Variants in WHRN observed in about 807,000 individuals in gnomAD.
The protein encoded by WHRN is whirlin.
In WHRN, 41 loss-of-function variants were observed where a neutral mutation model predicts 68.3. The ratio of observed to expected loss-of-function variants is 0.60; its 90% CI spans 0.47 to 0.78. WHRN has a LOEUF of 0.78. WHRN is among the 30% of genes least tolerant of loss of function. The pLI, the probability that WHRN is intolerant of heterozygous loss-of-function variation, is 0.00. For missense variants in WHRN, 1,243 were observed against 1,244.7 expected (o/e 1.00, Z 0.02); for synonymous variants, 560 against 561.3 (o/e 1.00, Z 0.03).
chr9:114,474,435 AC>A (rs1319888007), intron 2 of WHRN, among the ~76,000 whole-genome samples: 2 of 151,998 alleles, frequency 1.3e-5, no homozygotes, highest in Non-Finnish European at 2.9e-5. Flanking sequence ...TCCCCCACCC[AC>A]ACACATTCCC....
intron 3 of WHRN, among the ~76,000 whole-genome samples, chr9:114,443,355 A>G (rs1205491217): frequency 6.6e-6 from 1 of 152,252 alleles, no homozygotes; most frequent in African/African-American, 2.4e-5. Context: ...AGCAGGACAG[A>G]GTTCCTTTCT....
intron 7 of WHRN, among the ~76,000 whole-genome samples, chr9:114,412,119 G>A (rs967402445): frequency 3.9e-5 from 6 of 152,178 alleles, no homozygotes; most frequent in East Asian, 3.9e-4. Context: ...AATGGCAGAC[G>A]GGTCGGAGCC....
intron 1 of WHRN, among the ~76,000 whole-genome samples, chr9:114,494,195 T>C (rs1169257626): frequency 6.6e-6 from 1 of 152,244 alleles, no homozygotes; most frequent in Non-Finnish European, 1.5e-5. Flanking sequence ...TGATATTTTT[T>C]AGTGCGCTAA....
At chr9:114,428,608 G>A (rs1227343936) in intron 3 of WHRN, among the ~76,000 whole-genome samples, 2 of 152,182 alleles carry the variant, frequency 1.3e-5, no homozygotes, top group Admixed American at 6.5e-5. Context: ...CCAGCACCAA[G>A]GCCCCTCTGC....
At chr9:114,490,262 G>A (rs374710409) in intron 1 of WHRN, among the ~76,000 whole-genome samples, 2 of 152,132 alleles carry the variant, frequency 1.3e-5, no homozygotes, top group South Asian at 2.1e-4. Flanking sequence ...GACAACATAC[G>A]TCAAAAAGAA....
intron 2 of WHRN, among the ~76,000 whole-genome samples, chr9:114,470,108 G>A (rs2133023412): frequency 6.6e-6 from 1 of 152,310 alleles, no homozygotes; most frequent in South Asian, 2.1e-4. Flanking sequence ...CTATATAAGG[G>A]TTCCACTCAC....
In WHRN at chr9:114,424,529, G is replaced by GC; in HGVS notation, c.1220dup (p.Ala409SerfsTer40). The GC allele has an allele frequency of 6.2e-7, 1 of 1,612,774 alleles. No homozygotes were observed. The highest frequency in any genetic ancestry group is 8.5e-7 in the Non-Finnish European group (1 of 1,179,438). ...TCAGGGTCACCTGGGAGCCGGCTGG[G>GC]CCCTTGTAAAATCCTGGCTGCAAGA... On this transcript the variant is annotated frameshift_variant, in exon 6 of 12. Transcript: ENST00000362057. LOFTEE classifies it high-confidence loss of function.
intron 3 of WHRN, among the ~76,000 whole-genome samples, chr9:114,436,857 T>C (rs1330907189): frequency 1.3e-5 from 2 of 151,276 alleles, no homozygotes; most frequent in East Asian, 1.9e-4. Context: ...AATAAATAAA[T>C]CAATTTTAAA....
At chr9:114,486,899 T>TAGA (rs1564216914) in intron 1 of WHRN, among the ~76,000 whole-genome samples, 1 of 82,788 alleles carries the variant, frequency 1.2e-5, no homozygotes, top group Non-Finnish European at 2.5e-5. Context: ...TGTGTGTGTG[T>TAGA]GTGTGTAGAG....
At chr9:114,472,205 G>A (rs1158878350) in intron 2 of WHRN, among the ~76,000 whole-genome samples, 4 of 152,188 alleles carry the variant, frequency 2.6e-5, no homozygotes. Flanking sequence ...CCAGTAGCCT[G>A]GACAGTCCGG....
intron 3 of WHRN, among the ~76,000 whole-genome samples, chr9:114,440,207 C>G (rs1207071201): frequency 3.3e-5 from 5 of 151,878 alleles, no homozygotes. Flanking sequence ...GCCACTGCAC[C>G]CAGCCACAAA....
At chr9:114,467,251 T>C (rs1840789381) in intron 2 of WHRN, among the ~76,000 whole-genome samples, 1 of 152,022 alleles carries the variant, frequency 6.6e-6, no homozygotes, top group Admixed American at 6.6e-5. Context: ...TGGCTCTACA[T>C]ACATAGGGTG....
chr9:114,432,028 G>A (rs1837467568), intron 3 of WHRN, among the ~76,000 whole-genome samples: 1 of 152,192 alleles, frequency 6.6e-6, no homozygotes, highest in African/African-American at 2.4e-5. Context: ...GGCACTGATG[G>A]GGAGGACAAG....
intron 1 of WHRN, among the ~76,000 whole-genome samples, chr9:114,501,819 G>A (rs1054133743): frequency 6.6e-6 from 1 of 152,210 alleles, no homozygotes; most frequent in Admixed American, 6.5e-5. Flanking sequence ...GTGACTCGCA[G>A]CACTGCAGTT....
intron 2 of WHRN, among the ~76,000 whole-genome samples, chr9:114,469,561 C>CTGATGGT (rs1841019958): frequency 6.6e-6 from 1 of 152,134 alleles, no homozygotes; most frequent in African/African-American, 2.4e-5. Flanking sequence ...TGGCTGATGG[C>CTGATGGT]GGTGGGTAAA....
intron 3 of WHRN, among the ~76,000 whole-genome samples, chr9:114,433,095 A>G (rs564946951): frequency 3.3e-5 from 5 of 152,232 alleles, no homozygotes; most frequent in Non-Finnish European, 5.9e-5. Context: ...TCTACCAGCC[A>G]GCAAGGCCCC....
At chr9:114,409,228 G>A (rs1032176546) in intron 7 of WHRN, among the ~76,000 whole-genome samples, 2 of 137,338 alleles carry the variant, frequency 1.5e-5, no homozygotes, top group Non-Finnish European at 3.3e-5. Context: ...GGCTGATAAG[G>A]GGCTGGGGAC....
chr9:114,479,137 C>T (rs374624074), intron 1 of WHRN, among the ~76,000 whole-genome samples: 7 of 152,280 alleles, frequency 4.6e-5, no homozygotes, highest in South Asian at 2.1e-4. Context: ...CTGAGAAATG[C>T]GGCTCATGTG....
intron 1 of WHRN, among the ~76,000 whole-genome samples, chr9:114,481,262 G>GCA (rs533578423): frequency 1.3e-5 from 2 of 152,342 alleles, no homozygotes; most frequent in Admixed American, 1.3e-4. Context: ...AGGCACCCAG[G>GCA]CCCTCAATTC....
Sources: gnomAD v4.1 joint callset for allele counts (sites outside exome capture counted in the v4.1 genomes callset) on GRCh38, gnomAD v4.1.1 for gene constraint, MANE v1.5 for transcripts, NCBI Gene and HGNC (gene_info 2026-07-23, HGNC 2026-07-21) for gene names.